The following PLD5 variants were observed in gnomAD, a reference collection of about 807,000 sequenced individuals.
PLD5 encodes the protein inactive phospholipase D5.
Under a neutral mutation model 61.1 loss-of-function variants are expected in PLD5, and 36 were observed. The observed-to-expected ratio is 0.59, with a 90% CI of 0.45 to 0.78. The LOEUF (loss-of-function observed/expected upper bound fraction) is 0.78. PLD5 is among the 30% of genes least tolerant of loss of function. The probability of loss-of-function intolerance (pLI) is 0.00; values close to 1 mark genes in which losing one functional copy is unlikely to be tolerated. For missense variants in PLD5, 515 were observed against 644.4 expected, an observed-to-expected ratio of 0.80 and a Z score of 2.17; for synonymous variants, 243 against 242.8, an observed-to-expected ratio of 1.00 and a Z score of -0.01.
At chr1:242,314,194 G>A (rs1574715660) in intron 2 of PLD5, among the ~76,000 whole-genome samples, 1 of 152,192 alleles carries the variant, frequency 6.6e-6, no homozygotes, top group East Asian at 1.9e-4. Context: ...TTTCAGACGT[G>A]ATGATGGCTC....
chr1:242,124,194 A>G (rs1181407654), intron 6 of PLD5, among the ~76,000 whole-genome samples: 1 of 152,168 alleles, frequency 6.6e-6, no homozygotes, highest in Non-Finnish European at 1.5e-5. Flanking sequence ...TTCATTTGCA[A>G]AATGGACACA....
chr1:242,506,263 A>T (rs182175278), intron 1 of PLD5, among the ~76,000 whole-genome samples: 99 of 152,258 alleles, frequency 6.5e-4, no homozygotes, highest in African/African-American at 2.3e-3. Flanking sequence ...ATATCTAGGA[A>T]ATTAAACTTA....
At chr1:242,139,461 G>C (rs984573971) in intron 5 of PLD5, among the ~76,000 whole-genome samples, 1 of 151,844 alleles carries the variant, frequency 6.6e-6, no homozygotes, top group African/African-American at 2.4e-5. Flanking sequence ...GTTCAATGTA[G>C]CTCTCGAACT....
intron 1 of PLD5, among the ~76,000 whole-genome samples, chr1:242,441,487 T>TA (rs1034727515): frequency 3.3e-5 from 5 of 151,756 alleles, no homozygotes; most frequent in Admixed American, 6.6e-5. Context: ...AAAAAAACTT[T>TA]AAAAAAAAAT....
chr1:242,220,213 C>T, intron 4 of PLD5, 98 bp from the exon 5 acceptor site: 1 of 1,448,492 alleles, frequency 6.9e-7, no homozygotes, highest in Non-Finnish European at 9.5e-7. Context: ...CACCATTTGT[C>T]CCAATTGACA....
chr1:242,407,881 A>G (rs1449696911), intron 1 of PLD5, among the ~76,000 whole-genome samples: 1 of 151,498 alleles, frequency 6.6e-6, no homozygotes, highest in Non-Finnish European at 1.5e-5. Context: ...CCAGCCAAAT[A>G]TACAGATTTT....
chr1:242,343,766 CAAAAAAAAAAATTCAA>C (rs931028687), intron 2 of PLD5, among the ~76,000 whole-genome samples: 17 of 101,266 alleles, frequency 1.7e-4, no homozygotes, highest in South Asian at 3.3e-4. Flanking sequence ...CAGATCGAGG[CAAAAAAAAAAATTCAA>C]AAAAAAAAAA....
At chr1:242,213,238 C>G (rs898426796) in intron 5 of PLD5, among the ~76,000 whole-genome samples, 1 of 152,142 alleles carries the variant, frequency 6.6e-6, no homozygotes, top group Non-Finnish European at 1.5e-5. Context: ...GCCAGCTTGT[C>G]GATTTCATTG....
At chr1:242,423,773 C>T (rs1035574185) in intron 1 of PLD5, among the ~76,000 whole-genome samples, 4 of 152,148 alleles carry the variant, frequency 2.6e-5, no homozygotes, top group Non-Finnish European at 4.4e-5. Flanking sequence ...ACGAGAAGGT[C>T]ATGGTCATAT....
At chr1:242,128,226 G>A (rs576063614) in intron 5 of PLD5, among the ~76,000 whole-genome samples, 38 of 151,974 alleles carry the variant, frequency 2.5e-4, no homozygotes, top group Admixed American at 8.5e-4. Context: ...GATCCCTTGA[G>A]CCCAGGAGTT....
chr1:242,498,948 T>A (rs1267387838), intron 1 of PLD5, among the ~76,000 whole-genome samples: 1 of 152,192 alleles, frequency 6.6e-6, no homozygotes, highest in South Asian at 2.1e-4. Context: ...TTACAGAAAA[T>A]ACTTCTGGGT....
rs886422143 is a variant in PLD5, at chr1:242,083,933, A to G, written c.*5921T>C. 1 of 152,176 alleles carries G rather than the reference A, an allele frequency of 6.6e-6. No individual in the cohort carries two copies. Among genetic ancestry groups the G allele is most frequent in the Non-Finnish European group, 1.5e-5 (1 of 68,030 alleles). 9.4% of individuals were successfully genotyped at this position (152,176 alleles called of 1,614,324 possible). A position where few individuals can be genotyped will look rare whatever the true frequency, so the allele number is the denominator to read the frequency against. On this transcript the variant is annotated 3_prime_UTR_variant, in exon 10 of 10. Coordinates refer to ENST00000536534, the MANE Select transcript of PLD5 (RefSeq NM_001372062.1). ...GTGTTTGTCTTGCAAGGGGCTCAGA[A>G]TGTCTCATCTGCTTTTCAGAATTTT... is the stretch of plus-strand genomic sequence containing the variant.
intron 2 of PLD5, among the ~76,000 whole-genome samples, chr1:242,309,388 C>CT (rs368753685): frequency 4.2e-3 from 578 of 138,064 alleles, no homozygotes; most frequent in African/African-American, 9.4e-3. Context: ...GTTTTCTTTT[C>CT]TTTTTTTTTT....
chr1:242,377,049 G>A (rs771612442), intron 1 of PLD5: 77 of 1,611,622 alleles, frequency 4.8e-5, no homozygotes, highest in South Asian at 9.9e-5. Context: ...GTCTGACACG[G>A]TGCCATCAGG....
intron 1 of PLD5, among the ~76,000 whole-genome samples, chr1:242,434,055 A>T (rs1055033204): frequency 6.6e-6 from 1 of 152,236 alleles, no homozygotes; most frequent in Non-Finnish European, 1.5e-5. Flanking sequence ...AGAGTGGAGG[A>T]GGGATCTACA....
intron 8 of PLD5, among the ~76,000 whole-genome samples, chr1:242,104,238 T>TGAGTC (rs202216642): frequency 0.02 from 3,102 of 151,648 alleles, 31 homozygotes; most frequent in Non-Finnish European, 0.029. Flanking sequence ...TGCCTCTACC[T>TGAGTC]CCTGAGTCCT....
rs1466057726 is a variant in PLD5, at chr1:242,163,297, C to T, written c.736-38632G>A. Among the ~76,000 whole-genome samples the T allele has an allele frequency of 2.6e-5, 4 of 151,942 alleles. No individual in the cohort carries two copies. In the East Asian group the frequency reaches 7.7e-4, roughly 29 times the overall value. ...TAGCTGGGACTACAGGCGCCCGCCA[C>T]CACGCCCGGCTAATTTTTTGTATTT... is the stretch of plus-strand genomic sequence containing the variant. On this transcript the variant is annotated intron_variant, in intron 5 of 9. Coordinates refer to ENST00000536534, the MANE Select transcript of PLD5 (RefSeq NM_001372062.1).
chr1:242,091,522 A>G (rs997418144), intron 9 of PLD5, among the ~76,000 whole-genome samples: 5 of 152,234 alleles, frequency 3.3e-5, no homozygotes, highest in African/African-American at 1.2e-4. Flanking sequence ...ATACAGTCCT[A>G]CAGCAGTGGA....
At chr1:242,194,253 C>A (rs1668462256) in intron 5 of PLD5, among the ~76,000 whole-genome samples, 1 of 152,126 alleles carries the variant, frequency 6.6e-6, no homozygotes, top group African/African-American at 2.4e-5. Flanking sequence ...TTTTAGGTAT[C>A]TATTGCCATT....
Sources: gnomAD v4.1 joint callset for allele counts (sites outside exome capture counted in the v4.1 genomes callset) on GRCh38, gnomAD v4.1.1 for gene constraint, MANE v1.5 for transcripts, NCBI Gene and HGNC (gene_info 2026-07-23, HGNC 2026-07-21) for gene names.